The following ZNF628 variants were observed in gnomAD, a reference collection of about 807,000 sequenced individuals.
ZNF628 encodes the protein zinc finger protein 628.
Under a neutral mutation model 2.5 loss-of-function variants are expected in ZNF628, and 3 were observed. The ratio of observed to expected loss-of-function variants is 1.19; its 90% CI spans 0.54 to 3.07. The LOEUF (loss-of-function observed/expected upper bound fraction) is 3.07. Ranked by LOEUF, ZNF628 falls within the 30% of genes most tolerant of loss-of-function variation. The pLI, the probability that ZNF628 is intolerant of heterozygous loss-of-function variation, is 0.03. For synonymous variants in ZNF628, 861 were observed against 717.1 expected (o/e 1.20, Z -3.21); for missense variants, 1,610 against 1,517.1 (o/e 1.06, Z -1.02).
Position 55,481,223 on chromosome 19 carries a change from G to A in ZNF628, c.30G>A (p.Ala10=), listed in dbSNP as rs770737597. 4 of 1,562,392 alleles carry A rather than the reference G, an allele frequency of 2.6e-6. No individual in the cohort carries two copies. Among genetic ancestry groups the A allele is most frequent in the Admixed American group, 3.8e-5 (2 of 52,786 alleles). The change falls in exon 3 of 3, where the codon GCG becomes GCA. Residue 10 remains alanine, a synonymous_variant. Transcript: ENST00000598519. ...CAGGTGTGATGGTCGGCTCCCACGC[G>A]GACATGGCGCCGGCCTCTACTGCGG... is the stretch of plus-strand genomic sequence containing the variant. MSGVMVGSH[A]DMAPASTAEG... is the part of the protein sequence containing the mutation.
At chr19:55,478,209 C>G (rs977598249) in intron 1 of ZNF628, among the ~76,000 whole-genome samples, 1 of 152,208 alleles carries the variant, frequency 6.6e-6, no homozygotes, top group Non-Finnish European at 1.5e-5. Flanking sequence ...CTCAGCACTG[C>G]TGAGGCTGAG....
chr19:55,482,367 G>C lies in ZNF628; in HGVS notation c.1174G>C (p.Asp392His), dbSNP rs1287832211. The change falls in exon 3 of 3, where the codon GAC becomes CAC. Residue 392 changes from aspartate to histidine, a missense_variant. Asp to His is a moderately conservative substitution (Grantham distance 81). Coordinates refer to ENST00000598519, the MANE Select transcript of ZNF628 (RefSeq NM_033113.3). ...GCAAGCGTTCCGCTGCGGCAGCTGC[G>C]ACGGCTCCTTCCCGCAGCTGGCCAG... ...GGQAFRCGSC[D>H]GSFPQLASLL... The C allele has an allele frequency of 2.1e-6, 3 of 1,435,086 alleles. No homozygotes were observed. In the Admixed American group the frequency reaches 8.3e-5, roughly 40 times the overall value. The allele number at this position is 1,435,086 out of a possible 1,614,324, so 88.9% of individuals were successfully genotyped here. A position where few individuals can be genotyped will look rare whatever the true frequency, so the allele number is the denominator to read the frequency against.
At chr19:55,480,444 G>A (rs113203800) in intron 2 of ZNF628, among the ~76,000 whole-genome samples, 2,420 of 151,828 alleles carry the variant, frequency 0.016, 31 homozygotes, top group Non-Finnish European at 0.026. Flanking sequence ...TTTTGAGATG[G>A]AGTTTCACTC....
Position 55,482,726 on chromosome 19 carries a change from C to T in ZNF628, c.1533C>T (p.Thr511=), listed in dbSNP as rs1286355294. The change falls in exon 3 of 3, where the codon ACC becomes ACT. Residue 511 remains threonine, a synonymous_variant. Transcript: ENST00000598519. ...TGCACACGGGCCTGCGGGCCTTCACCTGTGGCCAGTGCGGCCTCACCTTCA... is the reference window on the plus strand; with the variant it reads ...TGCACACGGGCCTGCGGGCCTTCACTTGTGGCCAGTGCGGCCTCACCTTCA... ...QRVHTGLRAF[T]CGQCGLTFKW... The T allele has an allele frequency of 5.0e-6, 8 of 1,612,720 alleles. No homozygotes were observed. The highest frequency in any genetic ancestry group is 5.9e-6 in the Non-Finnish European group (7 of 1,179,450).
In ZNF628 at chr19:55,484,235, GC is replaced by G; in HGVS notation, c.3043del (p.Leu1015SerfsTer22). The G allele has an allele frequency of 6.5e-7, 1 of 1,547,604 alleles. No homozygotes were observed. Among genetic ancestry groups the G allele is most frequent in the Non-Finnish European group, 8.7e-7 (1 of 1,145,754 alleles). ...PSGPASGPAG[L>X]PGAPASQMVQ... ...CAGGCCCAGCCTCGGGCCCCGCGGG[GC>G]TCCCCGGGGCTCCAGCCTCCCAGAT... On this transcript the variant is annotated frameshift_variant, in exon 3 of 3. Transcript: ENST00000598519. LOFTEE classifies it high-confidence loss of function.
At position 55,483,207 on chromosome 19, in the gene ZNF628, C is replaced by G. The variant is rs1250164359; in HGVS notation, c.2014C>G (p.Pro672Ala). ...TGCTCCACTGGCTGCTGCGCGGGCCCCGCCAGCCACCCAAGATGTCCACGT... is the reference window on the plus strand; with the variant it reads ...TGCTCCACTGGCTGCTGCGCGGGCCGCGCCAGCCACCCAAGATGTCCACGT... ...PPAPLAAARA[P>A]PATQDVHVLP... is the part of the protein sequence containing the mutation. Residue 672 changes from proline (P) to alanine (A), a missense_variant, in exon 3 of 3, where the codon CCG (proline) becomes GCG (alanine). Coordinates refer to ENST00000598519, the MANE Select transcript of ZNF628 (RefSeq NM_033113.3). The G allele has an allele frequency of 2.7e-5, 42 of 1,542,636 alleles. No individual in the cohort carries two copies. Among genetic ancestry groups the G allele is most frequent in the Non-Finnish European group, 3.5e-5 (40 of 1,150,946 alleles).
Position 55,482,666 on chromosome 19 carries a change from C to A in ZNF628, c.1473C>A (p.Phe491Leu). The change falls in exon 3 of 3, where the codon TTC (phenylalanine) becomes TTA (leucine). Residue 491 changes from phenylalanine (F) to leucine (L), a missense_variant. By Grantham distance (22) the Phe-to-Leu change is conservative. Around this residue, in one of 5 missense-constraint regions of ZNF628, gnomAD observed 651 missense variants for 575.6 expected, o/e 1.13. Coordinates refer to ENST00000598519, the MANE Select transcript of ZNF628 (RefSeq NM_033113.3). ...PYQCGECGKA[F>L]KRSSLLAIHQ... is the part of the protein sequence containing the mutation. ...AGTGTGGCGAGTGCGGCAAGGCCTT[C>A]AAGCGCTCCTCCCTGCTGGCCATCC... 1 of 1,612,378 alleles carries A rather than the reference C, an allele frequency of 6.2e-7. No individual in the cohort carries two copies. The highest frequency in any genetic ancestry group is 8.5e-7 in the Non-Finnish European group (1 of 1,179,488).
Position 55,482,348 on chromosome 19 carries a change from G to A in ZNF628, c.1155G>A (p.Ala385=), listed in dbSNP as rs1037814153. 4.1e-5 allele frequency: 60 copies of A among 1,447,022 alleles called. No individual in the cohort carries two copies. The highest frequency in any genetic ancestry group is 4.9e-5 in the Non-Finnish European group (54 of 1,104,848). The allele number at this position is 1,447,022 out of a possible 1,614,324, so 89.6% of individuals were successfully genotyped here. A position where few individuals can be genotyped will look rare whatever the true frequency, so the allele number is the denominator to read the frequency against. ...GCCACGGGGCTGCCGGCGGGCAAGCGTTCCGCTGCGGCAGCTGCGACGGCT... is the reference window on the plus strand; with the variant it reads ...GCCACGGGGCTGCCGGCGGGCAAGCATTCCGCTGCGGCAGCTGCGACGGCT... ...QHSHGAAGGQ[A]FRCGSCDGSF... is the part of the protein sequence containing the mutation. The change falls in exon 3 of 3, where the codon GCG becomes GCA. Residue 385 remains alanine (A), a synonymous_variant. Coordinates refer to ENST00000598519, the MANE Select transcript of ZNF628 (RefSeq NM_033113.3).
rs760496368 is a variant in ZNF628, at chr19:55,483,732, C to T, written c.2539C>T (p.Pro847Ser). The T allele has an allele frequency of 2.0e-5, 33 of 1,612,644 alleles. No homozygotes were observed. The highest frequency in any genetic ancestry group is 2.8e-5 in the Non-Finnish European group (33 of 1,179,150). ...GGAGGTGACCACAGTCCAGCTCCAGCCAGCACAGGAAGTAACCACGGTCCA... is the reference window on the plus strand; with the variant it reads ...GGAGGTGACCACAGTCCAGCTCCAGTCAGCACAGGAAGTAACCACGGTCCA... ...AQEVTTVQLQPAQEVTTVQLQ... is the reference protein window; with the variant it reads ...AQEVTTVQLQSAQEVTTVQLQ... Residue 847 changes from proline to serine, a missense_variant, in exon 3 of 3, where the codon CCA (proline) becomes TCA (serine). By Grantham distance (74) the Pro-to-Ser change is moderately conservative (BLOSUM62 -1). Coordinates refer to ENST00000598519, the MANE Select transcript of ZNF628 (RefSeq NM_033113.3).
chr19:55,482,505 C>T lies in ZNF628; in HGVS notation c.1312C>T (p.Pro438Ser), dbSNP rs776825766. The T allele has an allele frequency of 1.1e-5, 16 of 1,459,608 alleles. No homozygotes were observed. The South Asian group carries it at 1.5e-4, about 14-fold the overall frequency. The allele number at this position is 1,459,608 out of a possible 1,614,324, so 90.4% of individuals were successfully genotyped here. Residue 438 changes from proline to serine, a missense_variant, in exon 3 of 3, where the codon CCC (proline) becomes TCC (serine). By Grantham distance (74) the Pro-to-Ser change is moderately conservative. Around this residue, in one of 5 missense-constraint regions of ZNF628, gnomAD observed 651 missense variants for 575.6 expected, o/e 1.13. Coordinates refer to ENST00000598519, the MANE Select transcript of ZNF628 (RefSeq NM_033113.3). Reference protein sequence around the residue: ...CPQEPLAPAAPVPPPPPSAPA... With the variant: ...CPQEPLAPAASVPPPPPSAPA... ...CCAGGAACCGCTGGCGCCTGCCGCC[C>T]CCGTCCCGCCGCCACCCCCGTCCGC...
chr19:55,484,308 C>T lies in ZNF628; in HGVS notation c.3115C>T (p.Gln1039Ter). The change falls in exon 3 of 3, where the codon CAG (glutamine) becomes TAG (stop). Residue 1039 changes from glutamine (Q) to a stop codon, truncating the protein, a stop_gained. Coordinates refer to ENST00000598519, the MANE Select transcript of ZNF628 (RefSeq NM_033113.3). LOFTEE classifies it high-confidence loss of function. ...AGAGPGVMTP[Q>*]GLPSIQIVQT... ...AGCTGGGCCTGGTGTTATGACCCCT[C>T]AGGGCCTGCCCTCCATCCAGATTGT... The T allele has an allele frequency of 6.6e-7, 1 of 1,506,618 alleles. No individual in the cohort carries two copies. Among genetic ancestry groups the T allele is most frequent in the Non-Finnish European group, 8.9e-7 (1 of 1,126,380 alleles). 93.3% of individuals were successfully genotyped at this position (1,506,618 alleles called of 1,614,324 possible). A position where few individuals can be genotyped will look rare whatever the true frequency, so the allele number is the denominator to read the frequency against.
At chr19:55,478,593 C>T (rs1176932598) in intron 1 of ZNF628, among the ~76,000 whole-genome samples, 1 of 152,224 alleles carries the variant, frequency 6.6e-6, no homozygotes, top group African/African-American at 2.4e-5. Flanking sequence ...CAATGCCCAG[C>T]CCTCCCTGTT....
Position 55,482,136 on chromosome 19 carries a change from C to T in ZNF628, c.943C>T (p.Pro315Ser). 4.0e-6 allele frequency: 6 copies of T among 1,504,624 alleles called. No individual in the cohort carries two copies. The highest frequency in any genetic ancestry group is 5.3e-6 in the Non-Finnish European group (6 of 1,129,858). 93.2% of individuals were successfully genotyped at this position (1,504,624 alleles called of 1,614,324 possible). A position where few individuals can be genotyped will look rare whatever the true frequency, so the allele number is the denominator to read the frequency against. The change falls in exon 3 of 3, where the codon CCG becomes TCG. Residue 315 changes from proline (P) to serine (S), a missense_variant. Physicochemically the swap from Pro to Ser is moderately conservative, Grantham distance 74 (BLOSUM62 -1). Around this residue, in one of 5 missense-constraint regions of ZNF628, gnomAD observed 651 missense variants for 575.6 expected, o/e 1.13. Transcript: ENST00000598519. ...SSEELLLEHQ[P>S]CPGPDAAPQP... ...CGAGGAGCTGCTCCTGGAGCACCAG[C>T]CGTGCCCCGGGCCCGATGCGGCGCC...
chr19:55,478,037 T>C (rs1986604926), intron 1 of ZNF628, among the ~76,000 whole-genome samples: 1 of 152,164 alleles, frequency 6.6e-6, no homozygotes. Flanking sequence ...ACACTGCGGC[T>C]AAGACTCGGA....
At position 55,481,638 on chromosome 19, in the gene ZNF628, C is replaced by G; in HGVS notation, c.445C>G (p.Pro149Ala). The change falls in exon 3 of 3, where the codon CCG becomes GCG. Residue 149 changes from proline to alanine, a missense_variant. Pro to Ala is a conservative substitution (Grantham distance 27). Around this residue, in one of 5 missense-constraint regions of ZNF628, gnomAD observed 166 missense variants for 241.3 expected, o/e 0.69. Coordinates refer to ENST00000598519, the MANE Select transcript of ZNF628 (RefSeq NM_033113.3). The part of the protein sequence containing the change: ...LRQHTGERPY[P>A]CPDCPKAFKN... ...GCAGCACACAGGCGAGCGCCCCTACCCGTGCCCGGACTGCCCCAAGGCCTT... is the reference window on the plus strand; with the variant it reads ...GCAGCACACAGGCGAGCGCCCCTACGCGTGCCCGGACTGCCCCAAGGCCTT... The G allele has an allele frequency of 6.2e-7, 1 of 1,609,100 alleles. No homozygotes were observed. Among genetic ancestry groups the G allele is most frequent in the Non-Finnish European group, 8.5e-7 (1 of 1,177,026 alleles).
rs541212246 is a variant in ZNF628, at chr19:55,478,895, G to A, written c.-77-939G>A. 6.6e-5 allele frequency among the ~76,000 whole-genome samples: 10 copies of A among 152,320 alleles called. No homozygotes were observed. In the East Asian group the frequency reaches 1.2e-3, roughly 18 times the overall value. The stretch of plus-strand genomic sequence containing the variant: ...GCTATGGGTGGAGTAGAAGTTGGGG[G>A]CGAGGAGCAGAAGACCATAGTTAGA... On this transcript the variant is annotated intron_variant, in intron 1 of 2. Coordinates refer to ENST00000598519, the MANE Select transcript of ZNF628 (RefSeq NM_033113.3).
Position 55,483,908 on chromosome 19 carries a change from C to T in ZNF628, c.2715C>T (p.Gly905=), listed in dbSNP as rs560520342. Residue 905 remains glycine, a synonymous_variant, in exon 3 of 3, where the codon GGC becomes GGT. Transcript: ENST00000598519. The part of the protein sequence containing the change: ...GAAEELLTGP[G]PGEAGDGEAS... ...CTGAGGAGTTGCTCACTGGCCCGGG[C>T]CCCGGGGAGGCGGGGGATGGCGAGG... is the stretch of plus-strand genomic sequence containing the variant. 62 of 1,588,628 alleles carry T rather than the reference C, an allele frequency of 3.9e-5. No individual in the cohort carries two copies. The highest frequency in any genetic ancestry group is 3.4e-4 in the Middle Eastern group (2 of 5,968).
Position 55,481,752 on chromosome 19 carries a change from C to G in ZNF628, c.559C>G (p.Gln187Glu). ...TGGAGTCTGCGGGAAGAGCTTCACG[C>G]AGAGCACCAACCTGCGGCAGCACCA... is the stretch of plus-strand genomic sequence containing the variant. ...TCGVCGKSFT[Q>E]STNLRQHQRV... is the part of the protein sequence containing the mutation. The change falls in exon 3 of 3, where the codon CAG (glutamine) becomes GAG (glutamate). Residue 187 changes from glutamine to glutamate, a missense_variant. By Grantham distance (29) the Gln-to-Glu change is conservative (BLOSUM62 2). This residue lies in a region of ZNF628 where 166 missense variants were observed against 241.3 expected (regional missense o/e 0.69). Coordinates refer to ENST00000598519, the MANE Select transcript of ZNF628 (RefSeq NM_033113.3). 1.9e-6 allele frequency: 3 copies of G among 1,610,826 alleles called. No homozygotes were observed. The highest frequency in any genetic ancestry group is 2.5e-6 in the Non-Finnish European group (3 of 1,178,810).
In ZNF628 at chr19:55,479,798, G is replaced by C. The variant is rs1443196784; in HGVS notation, c.-77-36G>C. On this transcript the variant is annotated intron_variant, in intron 1 of 2. Coordinates refer to ENST00000598519, the MANE Select transcript of ZNF628 (RefSeq NM_033113.3). This position sits in a 1 kb window ranked among gnomAD's most constrained non-coding sequence, Gnocchi z 5.1. ...ACCACTAGTATCGTGGTCAGAATGT[G>C]AGAAACTTCGCGTCTGATTGCTTTT... 16 of 397,612 alleles carry C rather than the reference G, an allele frequency of 4.0e-5. No homozygotes were observed. The highest frequency in any genetic ancestry group is 1.3e-5 in the Non-Finnish European group (3 of 225,468). The allele number at this position is 397,612 out of a possible 1,614,324, so 24.6% of individuals were successfully genotyped here.
Sources: gnomAD v4.1 joint callset for allele counts (sites outside exome capture counted in the v4.1 genomes callset) on GRCh38, gnomAD v4.1.1 for gene constraint, gnomAD v4.1.1 regional missense constraint, Gnocchi (gnomAD v3.1) non-coding constraint, MANE v1.5 for transcripts, NCBI Gene and HGNC (gene_info 2026-07-23, HGNC 2026-07-21) for gene names.